The following ST8SIA2 variants were observed in gnomAD, a reference collection of about 807,000 sequenced individuals.
ST8SIA2 encodes alpha-2,8-sialyltransferase 8B.
A neutral mutation model predicts 37.6 loss-of-function variants in ST8SIA2; 22 were observed. The ratio of observed to expected loss-of-function variants is 0.58; its 90% CI spans 0.42 to 0.83. The LOEUF (loss-of-function observed/expected upper bound fraction) is 0.83. Ranked by LOEUF, ST8SIA2 falls within the 40% of genes least tolerant of loss-of-function variation. The pLI, the probability that ST8SIA2 is intolerant of heterozygous loss-of-function variation, is 0.00. For missense variants in ST8SIA2, 382 were observed against 484.7 expected, an observed-to-expected ratio of 0.79 and a Z score of 1.99; for synonymous variants, 205 against 201.2, an observed-to-expected ratio of 1.02 and a Z score of -0.16.
chr15:92,420,977 A>C (rs553954357), intron 1 of ST8SIA2: 1 of 152,370 alleles, frequency 6.6e-6, no homozygotes, highest in South Asian at 2.1e-4. Flanking sequence ...TGTGTGTGTG[A>C]AATTGGGGGA....
At chr15:92,407,546 G>A (rs966454755) in intron 1 of ST8SIA2, among the ~76,000 whole-genome samples, 8 of 152,174 alleles carry the variant, frequency 5.3e-5, no homozygotes, top group South Asian at 2.1e-4. Context: ...CACAGTTGGC[G>A]TATGCAGTCA....
chr15:92,396,642 T>C (rs7179972), intron 1 of ST8SIA2, among the ~76,000 whole-genome samples: 17 of 152,048 alleles, frequency 1.1e-4, no homozygotes, highest in South Asian at 2.1e-4. Flanking sequence ...TACAGGCACC[T>C]GCCACCACAC....
At chr15:92,438,649 G>A (rs749270784) in intron 4 of ST8SIA2, 39 bp downstream of exon 4, 42 of 1,553,476 alleles carry the variant, frequency 2.7e-5, no homozygotes, top group Middle Eastern at 1.7e-4. Context: ...CCAGAGCGGC[G>A]GGCAGGCTGT....
chr15:92,403,222 A>C (rs369171553), intron 1 of ST8SIA2, among the ~76,000 whole-genome samples: 12 of 152,288 alleles, frequency 7.9e-5, no homozygotes, highest in African/African-American at 2.9e-4. Context: ...AAGGTCACAC[A>C]GCTAGTAAAC....
Position 92,464,741 on chromosome 15 carries a change from T to C in ST8SIA2, c.*356T>C, listed in dbSNP as rs2049980915. On this transcript the variant is annotated 3_prime_UTR_variant, in exon 6 of 6. Coordinates refer to ENST00000268164, the MANE Select transcript of ST8SIA2 (RefSeq NM_006011.4). ...AACTGCCTCCTGGCTTGGAGGGATC[T>C]TTGGGCTCATGGATGAATGGCGAGC... The C allele has an allele frequency of 3.4e-6, 1 of 293,438 alleles. No homozygotes were observed. The highest frequency in any genetic ancestry group is 6.5e-6 in the Non-Finnish European group (1 of 154,536). 18.2% of individuals were successfully genotyped at this position (293,438 alleles called of 1,614,324 possible).
rs573714848 is a variant in ST8SIA2, at chr15:92,407,638, G to T, written c.98+13476G>T. ...GGTCCAGTTCCAAACTGCACTCTCA[G>T]TTATAAAAAGCAGGGGAATGGAGAG... On this transcript the variant is annotated intron_variant, in intron 1 of 5. Coordinates refer to ENST00000268164, the MANE Select transcript of ST8SIA2 (RefSeq NM_006011.4). Among the ~76,000 whole-genome samples the T allele has an allele frequency of 3.9e-5, 6 of 152,276 alleles. No homozygotes were observed. The South Asian group carries it at 1.2e-3, about 32-fold the overall frequency.
intron 2 of ST8SIA2, 73 bp downstream of exon 2, chr15:92,430,184 G>A (rs757701399): frequency 1.0e-4 from 148 of 1,428,792 alleles, no homozygotes; most frequent in Middle Eastern, 2.3e-4. Flanking sequence ...CTTCTTTGCT[G>A]GATGGTGCCC....
intron 2 of ST8SIA2, among the ~76,000 whole-genome samples, chr15:92,432,088 C>G (rs1415643359): frequency 6.6e-6 from 1 of 152,152 alleles, no homozygotes; most frequent in African/African-American, 2.4e-5. Flanking sequence ...TAGTGCCATC[C>G]AGTGTGCCCC....
At chr15:92,437,598 G>A (rs2141833677) in intron 3 of ST8SIA2, among the ~76,000 whole-genome samples, 1 of 151,916 alleles carries the variant, frequency 6.6e-6, no homozygotes, top group Non-Finnish European at 1.5e-5. Flanking sequence ...ACTAGAGGGG[G>A]CAGCAAGGGG....
chr15:92,395,565 C>T (rs906222786), intron 1 of ST8SIA2, among the ~76,000 whole-genome samples: 4 of 152,250 alleles, frequency 2.6e-5, no homozygotes, highest in African/African-American at 9.6e-5. Flanking sequence ...CCCAAGAGCT[C>T]TGAAAACTTT....
At chr15:92,439,476 T>A (rs2049785600) in intron 4 of ST8SIA2, among the ~76,000 whole-genome samples, 1 of 152,142 alleles carries the variant, frequency 6.6e-6, no homozygotes, top group Non-Finnish European at 1.5e-5. Flanking sequence ...ACGCGGAGCC[T>A]CGAGTTTCAT....
chr15:92,463,246 C>T (rs1361076481), intron 5 of ST8SIA2, among the ~76,000 whole-genome samples: 1 of 152,208 alleles, frequency 6.6e-6, no homozygotes, highest in Non-Finnish European at 1.5e-5. Context: ...CTCTTTGTTT[C>T]CTCTCGTAAC....
intron 1 of ST8SIA2, among the ~76,000 whole-genome samples, chr15:92,427,375 T>C (rs911567690): frequency 2.0e-5 from 3 of 151,956 alleles, no homozygotes; most frequent in Non-Finnish European, 4.4e-5. Context: ...AAATATAATA[T>C]TACTCAAAAT....
At chr15:92,429,743 G>T (rs1271382952) in intron 1 of ST8SIA2, among the ~76,000 whole-genome samples, 4 of 152,254 alleles carry the variant, frequency 2.6e-5, no homozygotes, top group Non-Finnish European at 5.9e-5. Context: ...TTCACCAGGG[G>T]AGACTAATCC....
At chr15:92,449,531 G>A (rs1370433008) in intron 5 of ST8SIA2, among the ~76,000 whole-genome samples, 1 of 152,192 alleles carries the variant, frequency 6.6e-6, no homozygotes, top group Non-Finnish European at 1.5e-5. Context: ...ATCCAGTAAT[G>A]GGATTGCTGG....
At chr15:92,407,056 A>C (rs979745314) in intron 1 of ST8SIA2, among the ~76,000 whole-genome samples, 2 of 151,900 alleles carry the variant, frequency 1.3e-5, no homozygotes, top group Admixed American at 6.6e-5. Context: ...AATGATTCTT[A>C]TTACAGCCAC....
intron 1 of ST8SIA2, 124 bp downstream of exon 1, chr15:92,394,286 G>A: frequency 1.1e-6 from 1 of 910,186 alleles, no homozygotes; most frequent in Non-Finnish European, 1.7e-6. Context: ...TGGAGAGATG[G>A]GGACGGTTTG....
At chr15:92,463,537 A>G (rs1353033079) in intron 5 of ST8SIA2, among the ~76,000 whole-genome samples, 1 of 151,954 alleles carries the variant, frequency 6.6e-6, no homozygotes, top group Non-Finnish European at 1.5e-5. Context: ...GACTCTTGGA[A>G]AGGCAGCAGG....
intron 5 of ST8SIA2, among the ~76,000 whole-genome samples, chr15:92,455,527 T>G (rs1323093126): frequency 6.6e-6 from 1 of 152,068 alleles, no homozygotes; most frequent in East Asian, 1.9e-4. Context: ...AAATAACCCC[T>G]TTTTACACCT....
Sources: gnomAD v4.1 joint callset for allele counts (sites outside exome capture counted in the v4.1 genomes callset) on GRCh38, gnomAD v4.1.1 for gene constraint, MANE v1.5 for transcripts, NCBI Gene and HGNC (gene_info 2026-07-23, HGNC 2026-07-21) for gene names.